TADA2A: variants seen among roughly 807,000 people sequenced by gnomAD.
The protein encoded by TADA2A is transcriptional adapter 2-alpha.
A neutral mutation model predicts 67.4 loss-of-function variants in TADA2A; 38 were observed. That is an observed-to-expected ratio of 0.56 (90% CI 0.44 to 0.74). The LOEUF (loss-of-function observed/expected upper bound fraction) is 0.74, where lower values mean the gene tolerates loss of function less well. TADA2A is among the 30% of genes least tolerant of loss of function. The pLI, the probability that TADA2A is intolerant of heterozygous loss-of-function variation, is 0.00. For missense variants in TADA2A, 454 were observed against 547.0 expected (o/e 0.83, Z 1.70); for synonymous variants, 192 against 181.6 (o/e 1.06, Z -0.46).
intron 2 of TADA2A, among the ~76,000 whole-genome samples, chr17:37,420,607 A>G (rs2052202429): frequency 6.9e-6 from 1 of 145,660 alleles, no homozygotes; most frequent in Non-Finnish European, 1.5e-5. Context: ...TGGTCAGGTT[A>G]GTCTTGAACT....
At chr17:37,429,655 G>A (rs2147941085) in intron 4 of TADA2A, among the ~76,000 whole-genome samples, 1 of 152,204 alleles carries the variant, frequency 6.6e-6, no homozygotes, top group South Asian at 2.1e-4. Context: ...AGTTTAGAAA[G>A]GGTGAATCAG....
chr17:37,430,466 T>C (rs1268398254), intron 4 of TADA2A, among the ~76,000 whole-genome samples: 1 of 152,242 alleles, frequency 6.6e-6, no homozygotes, highest in African/African-American at 2.4e-5. Flanking sequence ...TGGGAGTTAC[T>C]CATGCTGTGG....
chr17:37,412,388 C>G (rs2051905261), intron 2 of TADA2A, among the ~76,000 whole-genome samples: 1 of 152,024 alleles, frequency 6.6e-6, no homozygotes. Flanking sequence ...ATCCCACCTC[C>G]CCCTTGATGT....
chr17:37,433,968 TG>T (rs1434175017), intron 4 of TADA2A, among the ~76,000 whole-genome samples: 4 of 148,292 alleles, frequency 2.7e-5, no homozygotes, highest in African/African-American at 1.0e-4. Context: ...AAAAAAAAAG[TG>T]GGGGGCAAAA....
At chr17:37,470,887 C>G (rs368411866) in intron 13 of TADA2A, among the ~76,000 whole-genome samples, 12 of 152,118 alleles carry the variant, frequency 7.9e-5, no homozygotes, top group African/African-American at 2.7e-4. Context: ...ACAAGCTCTT[C>G]TTAACAAATC....
chr17:37,437,685 C>T, intron 4 of TADA2A, 53 bp from the exon 5 acceptor site: 2 of 1,532,738 alleles, frequency 1.3e-6, no homozygotes, highest in South Asian at 2.2e-5. Context: ...CCGTGCCTGG[C>T]CCCTAGATTC....
At chr17:37,476,769 T>G in intron 15 of TADA2A, 28 bp from the exon 16 acceptor site, 1 of 1,584,878 alleles carries the variant, frequency 6.3e-7, no homozygotes, top group Non-Finnish European at 8.6e-7. Flanking sequence ...CAGATGTTAA[T>G]GTTTATTAAA....
rs757122720 is a variant in TADA2A at position 37,423,590 on chromosome 17, C to T, written c.107C>T (p.Pro36Leu). 8.7e-6 allele frequency: 14 copies of T among 1,612,850 alleles called. No individual in the cohort carries two copies. The highest frequency in any genetic ancestry group is 1.1e-5 in the Non-Finnish European group (13 of 1,179,782). Residue 36 changes from proline (P) to leucine (L), a missense_variant, in exon 3 of 16, where the codon CCA becomes CTA. By Grantham distance (98) the Pro-to-Leu change is moderately conservative. Coordinates refer to ENST00000615182, the MANE Select transcript of TADA2A (RefSeq NM_001166105.3). ...EPYIKCAECG[P>L]PPFFLCLQCF... ...TATATCAAGTGTGCTGAATGTGGGC[C>T]ACCTCCTTTTTTCCTCTGCTTGCAG...
chr17:37,431,331 G>A (rs942714778), intron 4 of TADA2A, among the ~76,000 whole-genome samples: 1 of 151,892 alleles, frequency 6.6e-6, no homozygotes, highest in Non-Finnish European at 1.5e-5. Context: ...ATGTACTTAG[G>A]CTGAAAGTCC....
intron 4 of TADA2A, among the ~76,000 whole-genome samples, chr17:37,434,982 C>T (rs907945524): frequency 3.9e-5 from 6 of 152,178 alleles, no homozygotes; most frequent in African/African-American, 1.4e-4. Flanking sequence ...CACGGTGGCT[C>T]ATGCCTATAA....
intron 8 of TADA2A, among the ~76,000 whole-genome samples, chr17:37,448,847 C>T (rs190381374): frequency 6.6e-6 from 1 of 152,272 alleles, no homozygotes; most frequent in Admixed American, 6.5e-5. Context: ...GTTTTCTCTC[C>T]TAGGCTTGGA....
At chr17:37,407,502 T>A (rs904718761) in intron 1 of TADA2A, 2 of 152,234 alleles carry the variant, frequency 1.3e-5, no homozygotes, top group Admixed American at 6.5e-5. Flanking sequence ...TCCCGGTAAC[T>A]GATTCGAATT....
At chr17:37,459,937 A>G (rs1041002691) in intron 9 of TADA2A, among the ~76,000 whole-genome samples, 4 of 151,020 alleles carry the variant, frequency 2.6e-5, no homozygotes, top group African/African-American at 9.7e-5. Flanking sequence ...GTGGTGGTGC[A>G]TGCCTGTAGT....
chr17:37,464,849 A>G (rs2053627349), intron 10 of TADA2A, among the ~76,000 whole-genome samples: 1 of 121,282 alleles, frequency 8.2e-6, no homozygotes, highest in Admixed American at 8.7e-5. Context: ...AAAAAAAAAA[A>G]AAAAGACAGT....
chr17:37,430,630 T>C (rs2052541738), intron 4 of TADA2A, among the ~76,000 whole-genome samples: 1 of 152,238 alleles, frequency 6.6e-6, no homozygotes, highest in African/African-American at 2.4e-5. Flanking sequence ...TGGGAGCTTC[T>C]TATAAATGTA....
At chr17:37,445,740 A>G (rs1158373074) in intron 8 of TADA2A, among the ~76,000 whole-genome samples, 1 of 152,132 alleles carries the variant, frequency 6.6e-6, no homozygotes, top group Non-Finnish European at 1.5e-5. Context: ...TACTAATACT[A>G]CATAATAATA....
intron 8 of TADA2A, among the ~76,000 whole-genome samples, chr17:37,456,917 C>T (rs1409164305): frequency 6.6e-6 from 1 of 152,136 alleles, no homozygotes; most frequent in Admixed American, 6.5e-5. Flanking sequence ...CTCTTTCCTC[C>T]TTCTTCCCTG....
intron 2 of TADA2A, among the ~76,000 whole-genome samples, chr17:37,422,844 T>C (rs2052287087): frequency 6.6e-6 from 1 of 152,204 alleles, no homozygotes; most frequent in Non-Finnish European, 1.5e-5. Flanking sequence ...TCAGCAATTG[T>C]TAACATTTTG....
In TADA2A at chr17:37,458,587, AG is replaced by A. The variant is rs2053459329; in HGVS notation, c.668+1del. 1 of 1,612,700 alleles carries A rather than the reference AG, an allele frequency of 6.2e-7. No individual in the cohort carries two copies. Among genetic ancestry groups the A allele is most frequent in the South Asian group, 1.1e-5 (1 of 91,026 alleles). Reference sequence around the variant, plus strand: ...TTAAAGGAGAGACAAAGACGAAAAAAGTAAGTATAAAAAACCATCCTGGCCT... The same window carrying A: ...TTAAAGGAGAGACAAAGACGAAAAAATAAGTATAAAAAACCATCCTGGCCT... On this transcript the variant is annotated splice_donor_variant, in intron 9 of 15. Transcript: ENST00000615182. LOFTEE classifies it high-confidence loss of function.
Sources: allele counts gnomAD v4.1 joint callset (sites outside exome capture counted in the v4.1 genomes callset), GRCh38; gene constraint gnomAD v4.1.1; transcripts MANE v1.5; gene names NCBI Gene and HGNC (gene_info 2026-07-23, HGNC 2026-07-21).